The following THSD4 variants were observed in gnomAD, a reference collection of about 807,000 sequenced individuals.
The protein encoded by THSD4 is thrombospondin type-1 domain-containing protein 4.
A neutral mutation model predicts 119.0 loss-of-function variants in THSD4; 69 were observed. The ratio of observed to expected loss-of-function variants is 0.58; its 90% CI spans 0.48 to 0.71. The LOEUF (loss-of-function observed/expected upper bound fraction) is 0.71. Ranked by LOEUF, THSD4 falls within the 30% of genes least tolerant of loss-of-function variation. THSD4 has a pLI of 0.00. For synonymous variants in THSD4, 524 were observed against 540.4 expected, an observed-to-expected ratio of 0.97 and a Z score of 0.42; for missense variants, 1,393 against 1,391.1, an observed-to-expected ratio of 1.00 and a Z score of -0.02.
chr15:71,583,511 T>A (rs1424701158), intron 7 of THSD4, among the ~76,000 whole-genome samples: 4 of 152,048 alleles, frequency 2.6e-5, no homozygotes, highest in Non-Finnish European at 5.9e-5. Context: ...TTACGTTGTT[T>A]ATTTGAGATC....
intron 1 of THSD4, among the ~76,000 whole-genome samples, chr15:71,125,370 A>C (rs2040445014): frequency 6.6e-6 from 1 of 152,132 alleles, no homozygotes; most frequent in Non-Finnish European, 1.5e-5. Context: ...ATGTGGAATA[A>C]ACTTTTGCTC....
chr15:71,421,459 T>C (rs1457356510), intron 7 of THSD4, among the ~76,000 whole-genome samples: 2 of 152,238 alleles, frequency 1.3e-5, no homozygotes, highest in Admixed American at 1.3e-4. Context: ...GGTAAAAGTG[T>C]CATTCCTTTA....
chr15:71,524,523 A>G (rs904656718), intron 7 of THSD4, among the ~76,000 whole-genome samples: 4 of 150,536 alleles, frequency 2.7e-5, no homozygotes, highest in African/African-American at 9.7e-5. Context: ...AATGACTTGT[A>G]ATGTCTGCCA....
At chr15:71,186,857 T>G (rs1352745676) in intron 3 of THSD4, 1 of 152,252 alleles carries the variant, frequency 6.6e-6, no homozygotes, top group Non-Finnish European at 1.5e-5. Flanking sequence ...AATAGTCCCC[T>G]TTCTCAAGTT....
At chr15:71,464,210 C>T (rs146701880) in intron 7 of THSD4, among the ~76,000 whole-genome samples, 5 of 152,168 alleles carry the variant, frequency 3.3e-5, no homozygotes, top group Non-Finnish European at 5.9e-5. Flanking sequence ...TGACTTCCAT[C>T]GGACCAATCA....
chr15:71,654,701 C>T (rs4300599), intron 7 of THSD4, among the ~76,000 whole-genome samples: 39,646 of 152,054 alleles, frequency 0.26, 5,958 homozygotes, highest in East Asian at 0.7. Context: ...CGAATTAGCT[C>T]ACCGTAAATA....
chr15:71,208,937 C>G (rs1391781727), intron 3 of THSD4, among the ~76,000 whole-genome samples: 1 of 152,094 alleles, frequency 6.6e-6, no homozygotes, highest in South Asian at 2.1e-4. Context: ...GGATTTCATC[C>G]AAAATACATG....
intron 6 of THSD4, among the ~76,000 whole-genome samples, chr15:71,357,285 A>G (rs914157331): frequency 1.3e-5 from 2 of 152,194 alleles, no homozygotes; most frequent in Non-Finnish European, 2.9e-5. Flanking sequence ...CAGGGACTCT[A>G]AACTCGGTTA....
At chr15:71,481,513 G>A (rs2047729136) in intron 7 of THSD4, among the ~76,000 whole-genome samples, 2 of 152,178 alleles carry the variant, frequency 1.3e-5, no homozygotes, top group Non-Finnish European at 2.9e-5. Context: ...CAGTGGTAGT[G>A]GAGAAGTAAT....
chr15:71,688,703 ATC>A (rs201343050), intron 8 of THSD4, among the ~76,000 whole-genome samples: 1,674 of 85,098 alleles, frequency 0.02, 65 homozygotes, highest in East Asian at 0.12. Context: ...TTTGTTTTGT[ATC>A]TCTGTGTGTG....
At chr15:71,588,270 C>A (rs2049724062) in intron 7 of THSD4, among the ~76,000 whole-genome samples, 1 of 144,112 alleles carries the variant, frequency 6.9e-6, no homozygotes, top group African/African-American at 2.6e-5. Flanking sequence ...CGCGCCACTG[C>A]ACTCCAGCCT....
At chr15:71,310,189 C>A (rs931481537) in intron 6 of THSD4, among the ~76,000 whole-genome samples, 1 of 152,126 alleles carries the variant, frequency 6.6e-6, no homozygotes, top group East Asian at 1.9e-4. Context: ...AGCATGTTTT[C>A]ATTTTAGGAA....
chr15:71,756,810 A>G (rs2053548133), intron 14 of THSD4, among the ~76,000 whole-genome samples: 1 of 152,188 alleles, frequency 6.6e-6, no homozygotes, highest in Admixed American at 6.5e-5. Flanking sequence ...ACACGATAAG[A>G]TGAGAACCAA....
intron 2 of THSD4, among the ~76,000 whole-genome samples, chr15:71,152,613 C>G (rs1006358307): frequency 1.3e-5 from 2 of 152,110 alleles, no homozygotes; most frequent in African/African-American, 4.8e-5. Flanking sequence ...CACTCACTGC[C>G]ATTGTGAATT....
intron 7 of THSD4, among the ~76,000 whole-genome samples, chr15:71,656,138 A>C (rs2051186612): frequency 6.6e-6 from 1 of 152,232 alleles, no homozygotes; most frequent in Admixed American, 6.5e-5. Context: ...CATAGCACGT[A>C]ATCTATACAT....
intron 6 of THSD4, among the ~76,000 whole-genome samples, chr15:71,348,638 C>T (rs943395852): frequency 2.6e-5 from 4 of 152,244 alleles, no homozygotes; most frequent in Non-Finnish European, 5.9e-5. Context: ...TATAGTCACA[C>T]CTAATCTAAT....
At chr15:71,441,286 G>A (rs895650453) in intron 7 of THSD4, among the ~76,000 whole-genome samples, 3 of 36,284 alleles carry the variant, frequency 8.3e-5, no homozygotes. Context: ...GTGACCAGGT[G>A]CAGAAATTGT....
At chr15:71,472,200 A>G (rs1442949042) in intron 7 of THSD4, among the ~76,000 whole-genome samples, 2 of 152,188 alleles carry the variant, frequency 1.3e-5, no homozygotes, top group African/African-American at 4.8e-5. Context: ...TACAGGCATG[A>G]GCCACTGCGC....
At position 71,432,931 on chromosome 15, in the gene THSD4, C is replaced by T. The variant is rs939733604; in HGVS notation, c.1152+21108C>T. ...AAAAACATTTCCTACCCTCCCTGTA[C>T]GTGTTGTATACAGAATTATTTCCTT... On this transcript the variant is annotated intron_variant, in intron 7 of 17. Coordinates refer to ENST00000261862, the MANE Select transcript of THSD4 (RefSeq NM_024817.3). 7.2e-5 allele frequency among the ~76,000 whole-genome samples: 11 copies of T among 152,070 alleles called. No individual in the cohort carries two copies. In the East Asian group the frequency reaches 1.3e-3, roughly 19 times the overall value.
Sources: allele counts gnomAD v4.1 joint callset (sites outside exome capture counted in the v4.1 genomes callset), GRCh38; gene constraint gnomAD v4.1.1; transcripts MANE v1.5; gene names NCBI Gene and HGNC (gene_info 2026-07-23, HGNC 2026-07-21).